Variants in GRIN1 observed in about 807,000 individuals in gnomAD.
The protein encoded by GRIN1 is glutamate receptor ionotropic, NMDA 1.
In GRIN1, 38 loss-of-function variants were observed where a neutral mutation model predicts 103.0. That is an observed-to-expected ratio of 0.37 (90% CI 0.28 to 0.48). The LOEUF is 0.48. Ranked by LOEUF, GRIN1 falls within the 20% of genes least tolerant of loss-of-function variation. The probability of loss-of-function intolerance (pLI) is 0.98; values close to 1 mark genes in which losing one functional copy is unlikely to be tolerated. For synonymous variants in GRIN1, 544 were observed against 532.7 expected (o/e 1.02, Z -0.29); for missense variants, 577 against 1,288.9 (o/e 0.45, Z 8.46).
chr9:137,139,855 C>G lies in GRIN1; in HGVS notation c.258+111C>G. 3 of 871,700 alleles carry G rather than the reference C, an allele frequency of 3.4e-6. No individual in the cohort carries two copies. The highest frequency in any genetic ancestry group is 5.6e-6 in the Non-Finnish European group (3 of 530,980). The allele number at this position is 871,700 out of a possible 1,614,324, so 54.0% of individuals were successfully genotyped here. A position where few individuals can be genotyped will look rare whatever the true frequency, so the allele number is the denominator to read the frequency against. ...CCCCCTTCCTCCCTGTAAGACACCA[C>G]CCCAGAGTCAGCTGGCTGCTTCCGG... On this transcript the variant is annotated intron_variant, in intron 1 of 19. Transcript: ENST00000371561. The surrounding 1 kb of genome is among the most constrained non-coding windows in gnomAD (Gnocchi z 7.7).
At chr9:137,153,767 T>A (rs1833049181) in intron 4 of GRIN1, among the ~76,000 whole-genome samples, 1 of 152,178 alleles carries the variant, frequency 6.6e-6, no homozygotes, top group Admixed American at 6.5e-5. Flanking sequence ...CACATATGCA[T>A]ACACTGACCA....
Position 137,145,713 on chromosome 9 carries a change from C to A in GRIN1, c.394-13C>A. 1 of 1,611,152 alleles carries A rather than the reference C, an allele frequency of 6.2e-7. No homozygotes were observed. Reference sequence around the variant, plus strand: ...GGGTCCACCTCAGCCCGCCGTGCCCCCGCCTCCCGCAGAGCATCCACCTGA... The same window carrying A: ...GGGTCCACCTCAGCCCGCCGTGCCCACGCCTCCCGCAGAGCATCCACCTGA... On this transcript the variant is annotated splice_polypyrimidine_tract_variant and intron_variant, in intron 2 of 19. Coordinates refer to ENST00000371561, the MANE Select transcript of GRIN1 (RefSeq NM_007327.4).
In GRIN1 at chr9:137,161,037, G is replaced by C. The variant is rs757759855; in HGVS notation, c.1198-19G>C. ...GCCTTAGGTCGGTGGTCCAGGCTGG[G>C]TCTCCCCTTCCCCCCCAGATTGTGA... On this transcript the variant is annotated intron_variant, in intron 8 of 19. Transcript: ENST00000371561. 2 of 1,612,440 alleles carry C rather than the reference G, an allele frequency of 1.2e-6. No homozygotes were observed. The highest frequency in any genetic ancestry group is 1.7e-6 in the Non-Finnish European group (2 of 1,179,718).
intron 4 of GRIN1, among the ~76,000 whole-genome samples, chr9:137,150,500 TCCGCCCAGATAAAAGCC>T (rs1173972837): frequency 4.7e-4 from 38 of 81,278 alleles, no homozygotes; most frequent in Middle Eastern, 0.013. Context: ...AAGAGAAGTC[TCCGCCCAGATAAAAGCC>T]CCGCCCAGAA....
At chr9:137,152,131 C>T (rs1832952201) in intron 4 of GRIN1, among the ~76,000 whole-genome samples, 1 of 152,154 alleles carries the variant, frequency 6.6e-6, no homozygotes, top group Admixed American at 6.6e-5. Flanking sequence ...TGGCCTCAAT[C>T]TTCTGGCCTC....
At chr9:137,158,347 C>T in intron 6 of GRIN1, 32 bp from the exon 7 acceptor site, 1 of 1,611,606 alleles carries the variant, frequency 6.2e-7, no homozygotes, top group Non-Finnish European at 8.5e-7. Context: ...AGGAGCATCT[C>T]TGAGAAGCCT....
intron 3 of GRIN1, chr9:137,148,007 G>C: frequency 3.0e-5 from 12 of 397,676 alleles, no homozygotes; most frequent in African/African-American, 4.2e-5. Flanking sequence ...GCCCCGCCCC[G>C]GGCCTCGGTG....
At chr9:137,147,439 T>G (rs553796014) in intron 3 of GRIN1, among the ~76,000 whole-genome samples, 1 of 151,266 alleles carries the variant, frequency 6.6e-6, no homozygotes, top group East Asian at 2.0e-4. Context: ...GGCACACACA[T>G]GCACACATGC....
At position 137,156,744 on chromosome 9, in the gene GRIN1, C is replaced by T. The variant is rs199802957; in HGVS notation, c.747C>T (p.Val249=). The part of the protein sequence containing the change: ...NMTGSGYVWL[V]GEREISGNAL... Reference sequence around the variant, plus strand: ...CGGGCTCCGGGTACGTGTGGCTGGTCGGCGAGCGCGAGATCTCGGGGAACG... The same window carrying T: ...CGGGCTCCGGGTACGTGTGGCTGGTTGGCGAGCGCGAGATCTCGGGGAACG... The change falls in exon 5 of 20, where the codon GTC becomes GTT. Residue 249 remains valine (V), a synonymous_variant. Coordinates refer to ENST00000371561, the MANE Select transcript of GRIN1 (RefSeq NM_007327.4). The T allele has an allele frequency of 1.3e-6, 2 of 1,585,840 alleles. No homozygotes were observed. The highest frequency in any genetic ancestry group is 8.6e-7 in the Non-Finnish European group (1 of 1,167,644).
At chr9:137,166,345 C>A (rs1456261624) in intron 19 of GRIN1, among the ~76,000 whole-genome samples, 1 of 152,262 alleles carries the variant, frequency 6.6e-6, no homozygotes, top group Non-Finnish European at 1.5e-5. Flanking sequence ...ACCCCAGGCC[C>A]AGGCACCATG....
rs1240520902 is a variant in GRIN1, at chr9:137,139,873, G to A, written c.258+129G>A. On this transcript the variant is annotated intron_variant, in intron 1 of 19. Coordinates refer to ENST00000371561, the MANE Select transcript of GRIN1 (RefSeq NM_007327.4). This position sits in a 1 kb window ranked among gnomAD's most constrained non-coding sequence, Gnocchi z 7.7. ...GACACCACCCCAGAGTCAGCTGGCT[G>A]CTTCCGGGAGGCCTCGTCTCACTAG... 1.3e-6 allele frequency: 1 copy of A among 762,140 alleles called. No homozygotes were observed. The highest frequency in any genetic ancestry group is 2.6e-5 in the East Asian group (1 of 37,894). The allele number at this position is 762,140 out of a possible 1,614,324, so 47.2% of individuals were successfully genotyped here.
intron 16 of GRIN1, 111 bp from the exon 17 acceptor site, chr9:137,163,448 C>G (rs1253639830): frequency 7.0e-7 from 1 of 1,423,964 alleles, no homozygotes; most frequent in Non-Finnish European, 9.9e-7. Flanking sequence ...CGGGCGCTGC[C>G]CACTCCACGC....
At chr9:137,140,006 G>A (rs1351241641) in intron 1 of GRIN1, among the ~76,000 whole-genome samples, 6 of 152,188 alleles carry the variant, frequency 3.9e-5, no homozygotes. Context: ...CCTGACTGGT[G>A]TGTGTAGACG....
Position 137,168,450 on chromosome 9 carries a change from G to A in GRIN1, c.*923G>A. The stretch of plus-strand genomic sequence containing the variant: ...AGAGGGCTGAGCCCCTCCTCTCCTC[G>A]TCCGGCCTGCAGCCCAGAACGGGCC... On this transcript the variant is annotated 3_prime_UTR_variant, in exon 20 of 20. Transcript: ENST00000371561. The A allele has an allele frequency of 5.4e-6, 1 of 185,744 alleles. No individual in the cohort carries two copies. The highest frequency in any genetic ancestry group is 1.6e-4 in the East Asian group (1 of 6,362). 11.5% of individuals were successfully genotyped at this position (185,744 alleles called of 1,614,324 possible).
chr9:137,164,158 C>T (rs1247800948), intron 18 of GRIN1: 1 of 550,356 alleles, frequency 1.8e-6, no homozygotes, highest in East Asian at 3.2e-5. Flanking sequence ...TCCGCCTGGC[C>T]CCTCTGTCTC....
chr9:137,158,426 A>G lies in GRIN1; in HGVS notation c.1016A>G (p.Glu339Gly), dbSNP rs1833355374. Residue 339 changes from glutamate to glycine, a missense_variant, in exon 7 of 20, where the codon GAG becomes GGG. Coordinates refer to ENST00000371561, the MANE Select transcript of GRIN1 (RefSeq NM_007327.4). ...KYADGVTGRV[E>G]FNEDGDRKFA... ...GCGGATGGGGTGACTGGTCGCGTGG[A>G]GTTCAATGAGGATGGGGACCGGAAG... 5 of 1,613,580 alleles carry G rather than the reference A, an allele frequency of 3.1e-6. No individual in the cohort carries two copies. The highest frequency in any genetic ancestry group is 4.2e-6 in the Non-Finnish European group (5 of 1,179,980).
At chr9:137,164,306 C>G in intron 18 of GRIN1, 1 of 315,748 alleles carries the variant, frequency 3.2e-6, no homozygotes, top group Non-Finnish European at 6.2e-6. Flanking sequence ...CTTCGGAGAC[C>G]CCCCCCTTTC....
Position 137,162,881 on chromosome 9 carries a change from G to A in GRIN1, c.2049G>A (p.Thr683=), listed in dbSNP as rs749030075. 6.2e-7 allele frequency: 1 copy of A among 1,612,138 alleles called. No individual in the cohort carries two copies. Among genetic ancestry groups the A allele is most frequent in the East Asian group, 2.2e-5 (1 of 44,866 alleles). Reference sequence around the variant, plus strand: ...CCTCGGACAAGTTTATCTACGCCACGGTGAAGCAGAGCTCCGTGGATATCT... The same window carrying A: ...CCTCGGACAAGTTTATCTACGCCACAGTGAAGCAGAGCTCCGTGGATATCT... ...RNPSDKFIYA[T]VKQSSVDIYF... is the part of the protein sequence containing the mutation. Residue 683 remains threonine (T), a synonymous_variant, in exon 15 of 20, where the codon ACG becomes ACA. Transcript: ENST00000371561.
chr9:137,166,711 G>C (rs1230540813), intron 19 of GRIN1, among the ~76,000 whole-genome samples: 1 of 152,258 alleles, frequency 6.6e-6, no homozygotes, highest in Non-Finnish European at 1.5e-5. Context: ...GGGGCCACTG[G>C]AGGCTCAAGG....
Sources: allele counts gnomAD v4.1 joint callset (sites outside exome capture counted in the v4.1 genomes callset), GRCh38; gene constraint gnomAD v4.1.1; non-coding constraint Gnocchi (gnomAD v3.1); transcripts MANE v1.5; gene names NCBI Gene and HGNC (gene_info 2026-07-23, HGNC 2026-07-21).